Variants in RASA1 observed in about 807,000 individuals in gnomAD.
RASA1 encodes ras GTPase-activating protein 1.
A neutral mutation model predicts 132.2 loss-of-function variants in RASA1; 25 were observed. The ratio of observed to expected loss-of-function variants is 0.19; its 90% CI spans 0.14 to 0.26. The LOEUF (loss-of-function observed/expected upper bound fraction) is 0.26. Ranked by LOEUF, RASA1 falls within the 10% of genes least tolerant of loss-of-function variation. The probability of loss-of-function intolerance (pLI) is 1.00; values close to 1 mark genes in which losing one functional copy is unlikely to be tolerated. For missense variants in RASA1, 964 were observed against 1,299.2 expected, an observed-to-expected ratio of 0.74 and a Z score of 3.97; for synonymous variants, 477 against 449.9, an observed-to-expected ratio of 1.06 and a Z score of -0.76.
At chr5:87,361,398 A>G (rs893932737) in intron 9 of RASA1, among the ~76,000 whole-genome samples, 2 of 152,208 alleles carry the variant, frequency 1.3e-5, no homozygotes, top group Non-Finnish European at 2.9e-5. Context: ...AAACAGCATA[A>G]TGTTTCAAGA....
intron 7 of RASA1, among the ~76,000 whole-genome samples, chr5:87,348,687 G>T (rs971581658): frequency 6.6e-6 from 1 of 150,974 alleles, no homozygotes; most frequent in Non-Finnish European, 1.5e-5. Context: ...GTCCAGGCTG[G>T]TATCAAACTC....
chr5:87,328,267 C>G (rs1210683332), intron 1 of RASA1, among the ~76,000 whole-genome samples: 2 of 152,018 alleles, frequency 1.3e-5, no homozygotes, highest in African/African-American at 4.8e-5. Flanking sequence ...ATTCTCATAC[C>G]ACCAGTATGA....
chr5:87,359,930 C>T (rs1344911407), intron 9 of RASA1, among the ~76,000 whole-genome samples: 4 of 152,134 alleles, frequency 2.6e-5, no homozygotes, highest in Non-Finnish European at 2.9e-5. Flanking sequence ...CTTCACCCTT[C>T]GTGCACAGAC....
intron 10 of RASA1, 36 bp from the exon 11 acceptor site, chr5:87,363,308 ATTGT>A (rs761986668): frequency 1.6e-5 from 24 of 1,509,470 alleles, no homozygotes; most frequent in Middle Eastern, 2.0e-4. Flanking sequence ...GGATTTCACA[ATTGT>A]TTGGCTAAGA....
At chr5:87,333,226 AAG>A in intron 3 of RASA1, 39 bp from the exon 4 acceptor site, 1 of 1,606,034 alleles carries the variant, frequency 6.2e-7, no homozygotes, top group Non-Finnish European at 8.5e-7. Context: ...TTAAGATAAA[AAG>A]ACTATCTTTT....
chr5:87,357,521 C>T (rs924339742), intron 9 of RASA1, among the ~76,000 whole-genome samples: 12 of 151,932 alleles, frequency 7.9e-5, no homozygotes, highest in South Asian at 2.1e-4. Flanking sequence ...CTGGCTAACA[C>T]GGTGAAACCC....
At chr5:87,387,298 A>G (rs1203784040) in intron 23 of RASA1, among the ~76,000 whole-genome samples, 1 of 152,172 alleles carries the variant, frequency 6.6e-6, no homozygotes, top group East Asian at 1.9e-4. Context: ...CAGGTTAAAT[A>G]AGTAGACTGA....
At chr5:87,384,080 A>C (rs192407227) in intron 21 of RASA1, among the ~76,000 whole-genome samples, 19 of 152,128 alleles carry the variant, frequency 1.2e-4, no homozygotes, top group Admixed American at 5.9e-4. Context: ...TGTAGTCTGC[A>C]GCTTGGCTTT....
intron 21 of RASA1, among the ~76,000 whole-genome samples, chr5:87,384,347 C>G (rs1223671154): frequency 2.0e-5 from 3 of 152,020 alleles, no homozygotes; most frequent in South Asian, 2.1e-4. Context: ...GTGTTAAAAG[C>G]TTCTTTCAAA....
intron 23 of RASA1, among the ~76,000 whole-genome samples, chr5:87,388,881 C>G (rs1762255163): frequency 6.6e-6 from 1 of 152,050 alleles, no homozygotes; most frequent in African/African-American, 2.4e-5. Flanking sequence ...GGCATATGTT[C>G]TAGATTTTTT....
intron 1 of RASA1, among the ~76,000 whole-genome samples, chr5:87,323,984 G>C (rs1477698387): frequency 6.6e-6 from 1 of 152,146 alleles, no homozygotes; most frequent in African/African-American, 2.4e-5. Flanking sequence ...CTGTCATGGT[G>C]TTCTGTCGTA....
rs148563329 is a variant in RASA1, at chr5:87,282,533, T to A, written c.539+13543T>A. Among the ~76,000 whole-genome samples, 3 of 152,312 alleles carry A rather than the reference T, an allele frequency of 2.0e-5. No homozygotes were observed. The East Asian group carries it at 5.8e-4, about 29-fold the overall frequency. ...TCAGAAGTTTAGTGATATGTCAGGGTTTCTGTGGGTTTACCTGTTTGAGAT... is the reference window on the plus strand; with the variant it reads ...TCAGAAGTTTAGTGATATGTCAGGGATTCTGTGGGTTTACCTGTTTGAGAT... On this transcript the variant is annotated intron_variant, in intron 1 of 24. Coordinates refer to ENST00000274376, the MANE Select transcript of RASA1 (RefSeq NM_002890.3).
intron 6 of RASA1, among the ~76,000 whole-genome samples, chr5:87,343,776 T>G (rs550367709): frequency 1.7e-4 from 26 of 152,212 alleles, no homozygotes; most frequent in Non-Finnish European, 3.1e-4. Flanking sequence ...ACTCCTATGT[T>G]TCAGCACCAT....
At position 87,272,510 on chromosome 5, in the gene RASA1, G is replaced by A. The variant is rs890644104; in HGVS notation, c.539+3520G>A. ...TCAGTTTCCCCATCCGTAAAATGGG[G>A]ATAGGAATGGTACCTTCCTCATATG... On this transcript the variant is annotated intron_variant, in intron 1 of 24. Coordinates refer to ENST00000274376, the MANE Select transcript of RASA1 (RefSeq NM_002890.3). 2.6e-5 allele frequency among the ~76,000 whole-genome samples: 4 copies of A among 151,942 alleles called. No individual in the cohort carries two copies. The East Asian group carries it at 7.7e-4, about 29-fold the overall frequency.
chr5:87,353,130 T>G, intron 8 of RASA1, 27 bp from the exon 9 acceptor site: 1 of 1,562,684 alleles, frequency 6.4e-7, no homozygotes, highest in South Asian at 1.1e-5. Context: ...TGAGACAGAT[T>G]AATACTAGAA....
chr5:87,374,140 T>C, intron 13 of RASA1, 23 bp from the exon 14 acceptor site: 1 of 1,387,904 alleles, frequency 7.2e-7, no homozygotes, highest in Non-Finnish European at 9.4e-7. Flanking sequence ...GTAATATATA[T>C]ATATATATTT....
chr5:87,338,532 TA>T (rs372828519), intron 5 of RASA1, among the ~76,000 whole-genome samples: 650 of 59,654 alleles, frequency 0.011, 27 homozygotes, highest in Admixed American at 0.068. Flanking sequence ...TATATATATA[TA>T]AAATTTTTTT....
chr5:87,287,337 C>T (rs1316015414), intron 1 of RASA1, among the ~76,000 whole-genome samples: 2 of 140,288 alleles, frequency 1.4e-5, no homozygotes, highest in Non-Finnish European at 3.1e-5. Flanking sequence ...ATATACACAC[C>T]ATATATATAC....
intron 1 of RASA1, among the ~76,000 whole-genome samples, chr5:87,288,603 A>G (rs1180556048): frequency 3.9e-5 from 6 of 152,158 alleles, no homozygotes; most frequent in Admixed American, 3.9e-4. Flanking sequence ...GTCAGGTGTC[A>G]TCTAAGTACA....
Sources: gnomAD v4.1 joint callset for allele counts (sites outside exome capture counted in the v4.1 genomes callset) on GRCh38, gnomAD v4.1.1 for gene constraint, MANE v1.5 for transcripts, NCBI Gene and HGNC (gene_info 2026-07-23, HGNC 2026-07-21) for gene names.